The following NRXN1 variants were observed in gnomAD, a reference collection of about 807,000 sequenced individuals.
NRXN1 encodes the protein neurexin 1, also known as neurexin-1.
A neutral mutation model predicts 150.9 loss-of-function variants in NRXN1; 39 were observed. The observed-to-expected ratio is 0.26, with a 90% CI of 0.20 to 0.34. The LOEUF (loss-of-function observed/expected upper bound fraction) is 0.34. Among genes scored for constraint, NRXN1 ranks in the 10% least tolerant of loss-of-function variants. NRXN1 has a pLI of 1.00. For synonymous variants in NRXN1, 924 were observed against 757.0 expected, an observed-to-expected ratio of 1.22 and a Z score of -3.62; for missense variants, 1,815 against 1,949.9, an observed-to-expected ratio of 0.93 and a Z score of 1.30.
intron 17 of NRXN1, among the ~76,000 whole-genome samples, chr2:50,258,751 TTAAA>T (rs1394790035): frequency 6.6e-6 from 1 of 152,052 alleles, no homozygotes; most frequent in Admixed American, 6.6e-5. Flanking sequence ...AATGTATTTC[TTAAA>T]TAAGGCTTGA....
At chr2:50,551,068 AGAAGAAGAGGAG>A (rs1288893328) in intron 9 of NRXN1, among the ~76,000 whole-genome samples, 2 of 128,062 alleles carry the variant, frequency 1.6e-5, no homozygotes, top group African/African-American at 6.0e-5. Context: ...AAGAAGAAGA[AGAAGAAGAGGAG>A]GAGGAGGAGG....
rs2085986392 is a variant in NRXN1, at chr2:50,441,910, G to T, written c.3364+23532C>A. Among the ~76,000 whole-genome samples the T allele has an allele frequency of 3.3e-5, 5 of 152,250 alleles. No individual in the cohort carries two copies. The East Asian group carries it at 9.7e-4, about 29-fold the overall frequency. ...TCTGTATTGTCAAAAATCTTGGAAA[G>T]AATCATGGGATGATATGATAAACCA... On this transcript the variant is annotated intron_variant, in intron 17 of 22. Coordinates refer to ENST00000401669, the MANE Select transcript of NRXN1 (RefSeq NM_001330078.2).
chr2:50,366,896 T>C lies in NRXN1; in HGVS notation c.3364+98546A>G, dbSNP rs78590327. ...CCTACCTTTGGACTTCTTATTCAAT[T>C]TGAAAACTAAATTATCAGTTTAATC... On this transcript the variant is annotated intron_variant, in intron 17 of 22. Coordinates refer to ENST00000401669, the MANE Select transcript of NRXN1 (RefSeq NM_001330078.2). Among the ~76,000 whole-genome samples, 399 of 152,098 alleles carry C rather than the reference T, an allele frequency of 2.6e-3. 1 individual carries two copies. Among genetic ancestry groups the C allele is most frequent in the African/African-American group, 9.3e-3 (385 of 41,524 alleles).
At chr2:50,718,729 A>C (rs1418771633) in intron 5 of NRXN1, among the ~76,000 whole-genome samples, 1 of 152,144 alleles carries the variant, frequency 6.6e-6, no homozygotes, top group Non-Finnish European at 1.5e-5. Flanking sequence ...GTTTGCATTC[A>C]TGTGCCTGCG....
At chr2:50,851,595 C>T (rs1236151510) in intron 5 of NRXN1, among the ~76,000 whole-genome samples, 1 of 152,062 alleles carries the variant, frequency 6.6e-6, no homozygotes, top group Admixed American at 6.6e-5. Context: ...ACACAACTCA[C>T]TCAAGATGAC....
At chr2:50,474,553 A>G (rs925567903) in intron 15 of NRXN1, among the ~76,000 whole-genome samples, 2 of 151,760 alleles carry the variant, frequency 1.3e-5, no homozygotes, top group African/African-American at 4.8e-5. Flanking sequence ...GGGAGCAGTG[A>G]GAGCTCTGAA....
intron 15 of NRXN1, among the ~76,000 whole-genome samples, chr2:50,489,256 C>T (rs555427364): frequency 6.6e-6 from 1 of 152,162 alleles, no homozygotes; most frequent in Non-Finnish European, 1.5e-5. Context: ...TGAGAAGAAA[C>T]CAGCCCCAGG....
At chr2:50,447,175 A>C (rs1353470715) in intron 17 of NRXN1, among the ~76,000 whole-genome samples, 1 of 152,030 alleles carries the variant, frequency 6.6e-6, no homozygotes, top group African/African-American at 2.4e-5. Context: ...CCTTCCACAG[A>C]TTTAAAAAGC....
intron 13 of NRXN1, among the ~76,000 whole-genome samples, chr2:50,506,241 A>G (rs1206204412): frequency 2.0e-5 from 3 of 152,168 alleles, no homozygotes. Context: ...ATCAGGCCAC[A>G]AAAGAAAATA....
chr2:50,085,838 T>G (rs1558846069), intron 19 of NRXN1, among the ~76,000 whole-genome samples: 2 of 152,202 alleles, frequency 1.3e-5, no homozygotes, highest in African/African-American at 4.8e-5. Context: ...ATCAATCATG[T>G]AAGTAATAAC....
chr2:50,700,330 C>T (rs550337535), intron 5 of NRXN1, among the ~76,000 whole-genome samples: 15 of 152,256 alleles, frequency 9.9e-5, no homozygotes, highest in African/African-American at 3.4e-4. Flanking sequence ...CACAACTCTT[C>T]CATTTAATTT....
At chr2:50,695,481 C>G (rs1692692957) in intron 5 of NRXN1, among the ~76,000 whole-genome samples, 1 of 152,134 alleles carries the variant, frequency 6.6e-6, no homozygotes, top group South Asian at 2.1e-4. Flanking sequence ...AATCCCTTAG[C>G]CAGAGACATC....
chr2:50,325,879 T>C (rs1191537122), intron 17 of NRXN1, among the ~76,000 whole-genome samples: 2 of 152,208 alleles, frequency 1.3e-5, no homozygotes, highest in African/African-American at 2.4e-5. Flanking sequence ...ATGTCAGCAC[T>C]TTACTTTTCC....
intron 5 of NRXN1, among the ~76,000 whole-genome samples, chr2:50,739,745 C>A (rs1699206173): frequency 6.6e-6 from 1 of 152,138 alleles, no homozygotes; most frequent in Admixed American, 6.6e-5. Context: ...GGAAGTATCA[C>A]AGATTATGTA....
intron 8 of NRXN1, among the ~76,000 whole-genome samples, chr2:50,589,928 T>C (rs1209549875): frequency 1.3e-5 from 2 of 152,150 alleles, no homozygotes; most frequent in African/African-American, 4.8e-5. Context: ...CAGAAACCAT[T>C]AGGTTTTATT....
chr2:50,159,877 T>C (rs758863325), intron 18 of NRXN1, among the ~76,000 whole-genome samples: 2 of 152,174 alleles, frequency 1.3e-5, no homozygotes, highest in Non-Finnish European at 1.5e-5. Flanking sequence ...CACATAATTA[T>C]GCTGTGGAAG....
Position 50,560,808 on chromosome 2 carries a change from T to C in NRXN1, c.1321-7783A>G, listed in dbSNP as rs185700063. 1.3e-4 allele frequency among the ~76,000 whole-genome samples: 20 copies of C among 152,292 alleles called. No individual in the cohort carries two copies. In the East Asian group the frequency reaches 3.9e-3, roughly 29 times the overall value. ...TTGGGAAGGCAGCAAGTTGATCTTT[T>C]TTTCCCCTGATCTAATCTGATTCAG... On this transcript the variant is annotated intron_variant, in intron 8 of 22. Transcript: ENST00000401669.
intron 17 of NRXN1, among the ~76,000 whole-genome samples, chr2:50,419,445 A>G (rs966394254): frequency 3.9e-5 from 6 of 152,038 alleles, no homozygotes; most frequent in African/African-American, 1.2e-4. Context: ...TATTAAAAGT[A>G]TTTCTTGCTA....
chr2:50,631,263 C>T (rs919996939), intron 5 of NRXN1: 2 of 356,344 alleles, frequency 5.6e-6, no homozygotes, highest in South Asian at 2.3e-5. Context: ...CTCTTCAAGA[C>T]TTATCTCACT....
Sources: allele counts gnomAD v4.1 joint callset (sites outside exome capture counted in the v4.1 genomes callset), GRCh38; gene constraint gnomAD v4.1.1; transcripts MANE v1.5; gene names NCBI Gene and HGNC (gene_info 2026-07-23, HGNC 2026-07-21).